KAT6A: variants seen among roughly 807,000 people sequenced by gnomAD.
KAT6A encodes the protein histone acetyltransferase KAT6A.
Under a neutral mutation model 198.4 loss-of-function variants are expected in KAT6A, and 9 were observed. That is an observed-to-expected ratio of 0.05 (90% CI 0.03 to 0.08). The LOEUF (loss-of-function observed/expected upper bound fraction) is 0.08. KAT6A is among the 10% of genes least tolerant of loss of function. KAT6A has a pLI of 1.00. For missense variants in KAT6A, 2,077 were observed against 2,509.9 expected, an observed-to-expected ratio of 0.83 and a Z score of 3.69; for synonymous variants, 890 against 883.0, an observed-to-expected ratio of 1.01 and a Z score of -0.14.
chr8:42,027,716 T>C (rs1334722210), intron 2 of KAT6A, among the ~76,000 whole-genome samples: 2 of 152,158 alleles, frequency 1.3e-5, no homozygotes, highest in African/African-American at 4.8e-5. Flanking sequence ...TTATCAATTT[T>C]GTCTTTTTAA....
chr8:41,947,974 T>C, intron 10 of KAT6A, 62 bp from the exon 11 acceptor site: 1 of 1,340,154 alleles, frequency 7.5e-7, no homozygotes, highest in Non-Finnish European at 1.0e-6. Context: ...GAATAATATG[T>C]ATCAGTTAAA....
At chr8:42,026,034 G>A (rs1826797290) in intron 2 of KAT6A, among the ~76,000 whole-genome samples, 1 of 152,188 alleles carries the variant, frequency 6.6e-6, no homozygotes, top group African/African-American at 2.4e-5. Context: ...TAAAGAGATT[G>A]TCCTTTCACC....
At chr8:41,950,590 C>T (rs932566484) in intron 9 of KAT6A, among the ~76,000 whole-genome samples, 1 of 152,164 alleles carries the variant, frequency 6.6e-6, no homozygotes, top group African/African-American at 2.4e-5. Context: ...CTAAATATTA[C>T]AACTAAATAC....
intron 2 of KAT6A, among the ~76,000 whole-genome samples, chr8:42,045,701 G>A (rs919078454): frequency 4.0e-5 from 6 of 151,608 alleles, no homozygotes; most frequent in South Asian, 2.1e-4. Context: ...GGCCAGGTGC[G>A]GTGGATCATT....
Position 41,932,251 on chromosome 8 carries a change from G to A in KAT6A, c.5969C>T (p.Ala1990Val). The change falls in exon 17 of 17, where the codon GCT becomes GTT. Residue 1990 changes from alanine to valine, a missense_variant. Ala to Val is a moderately conservative substitution (Grantham distance 64). Transcript: ENST00000265713. ...GTTGAGTGACTGCTTGGGCACGCCA[G>A]CAGCGTTCATGTAGCTGTGATGGGA... ...GPSHHSYMNA[A>V]GVPKQSLNGP... is the part of the protein sequence containing the mutation. 1 of 1,613,394 alleles carries A rather than the reference G, an allele frequency of 6.2e-7. No homozygotes were observed. Among genetic ancestry groups the A allele is most frequent in the Non-Finnish European group, 8.5e-7 (1 of 1,179,626 alleles).
intron 15 of KAT6A, 121 bp downstream of exon 15, chr8:41,940,721 T>C (rs1168070097): frequency 8.2e-7 from 1 of 1,218,736 alleles, no homozygotes. Context: ...AGGCTTAAGG[T>C]TTATAAAGCA....
chr8:42,000,119 T>C (rs1254250553), intron 2 of KAT6A, among the ~76,000 whole-genome samples: 1 of 152,258 alleles, frequency 6.6e-6, no homozygotes, highest in Non-Finnish European at 1.5e-5. Context: ...TATTTACTTA[T>C]GCAACTGCAT....
chr8:41,948,946 CAG>C (rs1446482217), intron 10 of KAT6A, among the ~76,000 whole-genome samples: 1 of 151,718 alleles, frequency 6.6e-6, no homozygotes, highest in Non-Finnish European at 1.5e-5. Flanking sequence ...TACTATTAAA[CAG>C]ATCTCTGTGA....
chr8:41,995,753 T>A (rs909526493), intron 2 of KAT6A, among the ~76,000 whole-genome samples: 1 of 150,318 alleles, frequency 6.7e-6, no homozygotes, highest in Non-Finnish European at 1.5e-5. Context: ...CTCAGCTCAC[T>A]GCAACCTCCA....
intron 3 of KAT6A, among the ~76,000 whole-genome samples, chr8:41,984,577 T>C (rs1824513271): frequency 6.6e-6 from 1 of 152,032 alleles, no homozygotes. Flanking sequence ...ACAGAAACAG[T>C]ATGAAGTAAA....
intron 2 of KAT6A, among the ~76,000 whole-genome samples, chr8:41,997,412 A>G (rs1404908649): frequency 1.3e-5 from 2 of 152,198 alleles, no homozygotes; most frequent in Non-Finnish European, 1.5e-5. Context: ...TAGCCCATCA[A>G]AAATGGAAAA....
At chr8:41,966,641 T>G (rs1212999861) in intron 8 of KAT6A, among the ~76,000 whole-genome samples, 7 of 152,158 alleles carry the variant, frequency 4.6e-5, no homozygotes, top group Non-Finnish European at 1.0e-4. Context: ...GTTGCGCCAA[T>G]TCTCACACAT....
intron 9 of KAT6A, among the ~76,000 whole-genome samples, chr8:41,954,508 C>G (rs552580372): frequency 1.3e-5 from 2 of 152,256 alleles, no homozygotes; most frequent in Admixed American, 1.3e-4. Context: ...GCATTAATGT[C>G]ACTACAATTA....
chr8:41,977,367 G>C, intron 6 of KAT6A, 40 bp from the exon 7 acceptor site: 1 of 1,464,258 alleles, frequency 6.8e-7, no homozygotes, highest in Non-Finnish European at 9.3e-7. Flanking sequence ...TATTAAAAAA[G>C]ATACTTGTAA....
intron 8 of KAT6A, among the ~76,000 whole-genome samples, chr8:41,960,876 G>T (rs979795084): frequency 1.3e-5 from 2 of 151,976 alleles, no homozygotes; most frequent in African/African-American, 4.8e-5. Flanking sequence ...CCTTTGCATA[G>T]ACCTTTAACT....
Position 42,024,587 on chromosome 8 carries a change from AC to A in KAT6A, c.600+23790del, listed in dbSNP as rs565705916. ...CCATTAACCTCTCTTCATCCACCCC[AC>A]CCCTCGCCCATCTCAGACTTTGGTA... On this transcript the variant is annotated intron_variant, in intron 2 of 16. Transcript: ENST00000265713. Among the ~76,000 whole-genome samples, 855 of 151,354 alleles carry A rather than the reference AC, an allele frequency of 5.6e-3. 6 individuals are homozygous for A. Among genetic ancestry groups the A allele is most frequent in the African/African-American group, 0.02 (819 of 41,248 alleles).
In KAT6A at chr8:41,978,680, T is replaced by G; in HGVS notation, c.1005A>C (p.Ile335=). ...AQIKRRYTNP[I]GRPKNRLKKQ... is the part of the protein sequence containing the mutation. ...TCTTTAACCTGTTTTTTGGACGTCC[T>G]ATTGGATTAGTATAGCGCCGTTTTA... The change falls in exon 6 of 17, where the codon ATA becomes ATC. Residue 335 remains isoleucine, a synonymous_variant. Transcript: ENST00000265713. 1 of 1,613,728 alleles carries G rather than the reference T, an allele frequency of 6.2e-7. No individual in the cohort carries two copies. Among genetic ancestry groups the G allele is most frequent in the Non-Finnish European group, 8.5e-7 (1 of 1,179,648 alleles).
intron 8 of KAT6A, 144 bp from the exon 9 acceptor site, chr8:41,955,555 G>C (rs1822881012): frequency 1.0e-5 from 6 of 585,288 alleles, no homozygotes; most frequent in Non-Finnish European, 1.8e-5. Flanking sequence ...AACATATTTT[G>C]AAATAAGTTA....
At chr8:41,961,821 C>T (rs1261849423) in intron 8 of KAT6A, among the ~76,000 whole-genome samples, 1 of 151,446 alleles carries the variant, frequency 6.6e-6, no homozygotes, top group Non-Finnish European at 1.5e-5. Context: ...CCTTTCTCTG[C>T]TCCTAATTAC....
Sources: gnomAD v4.1 joint callset for allele counts (sites outside exome capture counted in the v4.1 genomes callset) on GRCh38, gnomAD v4.1.1 for gene constraint, MANE v1.5 for transcripts, NCBI Gene and HGNC (gene_info 2026-07-23, HGNC 2026-07-21) for gene names.